The following ZNF83 variants were observed in gnomAD, a reference collection of about 807,000 sequenced individuals.
The protein encoded by ZNF83 is zinc finger protein 83, also known as zinc finger protein 816B.
For synonymous variants in ZNF83, 209 were observed against 213.0 expected (o/e 0.98, Z 0.17); for missense variants, 552 against 629.9 (o/e 0.88, Z 1.32).
At chr19:52,614,936 C>A in intron 2 of ZNF83, 139 bp from the exon 3 acceptor site, 2 of 875,664 alleles carry the variant, frequency 2.3e-6, no homozygotes, top group South Asian at 6.1e-5. Context: ...TGATTTTTAA[C>A]TTTTTGGAAA....
upstream of ZNF83, among the ~76,000 whole-genome samples, chr19:52,641,802 C>T (rs1395221741): frequency 1.3e-5 from 2 of 152,122 alleles, no homozygotes; most frequent in Admixed American, 1.3e-4. Context: ...CAGCCTCAGG[C>T]GGTCCCGACC....
upstream of ZNF83, among the ~76,000 whole-genome samples, chr19:52,640,615 T>G (rs557931963): frequency 6.6e-6 from 1 of 152,186 alleles, no homozygotes; most frequent in South Asian, 2.1e-4. Flanking sequence ...CCTCCTGGGT[T>G]CAAGCAGTTC....
chr19:52,650,812 G>C (rs896896220), intron 3 of ZNF83: 1 of 152,210 alleles, frequency 6.6e-6, no homozygotes, highest in Admixed American at 6.5e-5. Context: ...AGGCTTGCGT[G>C]TAAGCCCAGA....
At chr19:52,634,232 G>A (rs1167976418) in intron 2 of ZNF83, among the ~76,000 whole-genome samples, 2 of 143,978 alleles carry the variant, frequency 1.4e-5, no homozygotes, top group South Asian at 2.2e-4. Context: ...AGATCAGGCC[G>A]TTGCACTCCA....
intron 2 of ZNF83, among the ~76,000 whole-genome samples, chr19:52,624,706 T>C (rs902769083): frequency 1.3e-5 from 2 of 152,146 alleles, no homozygotes; most frequent in Non-Finnish European, 2.9e-5. Flanking sequence ...AGCCTTTTTG[T>C]CCAAACAACT....
Position 52,628,588 on chromosome 19 carries a change from C to G in ZNF83, c.-234+6478G>C, listed in dbSNP as rs147566790. On this transcript the variant is annotated intron_variant, in intron 2 of 2. Coordinates refer to ENST00000301096, the Ensembl canonical transcript of ZNF83. ...AGGGACGCCTCTCTGATTATTCACC[C>G]AGGTTTCAGAGGTGTCAGACCACAC... 1.2e-4 allele frequency among the ~76,000 whole-genome samples: 19 copies of G among 152,232 alleles called. No homozygotes were observed. The South Asian group carries it at 3.1e-3, about 25-fold the overall frequency.
chr19:52,634,651 G>T (rs1287695306), intron 2 of ZNF83, among the ~76,000 whole-genome samples: 1 of 152,138 alleles, frequency 6.6e-6, no homozygotes, highest in Non-Finnish European at 1.5e-5. Flanking sequence ...CCCCTTATTT[G>T]TCTCCTTTTC....
chr19:52,621,010 AC>A (rs1346335515), intron 2 of ZNF83, among the ~76,000 whole-genome samples: 1 of 151,826 alleles, frequency 6.6e-6, no homozygotes, highest in Non-Finnish European at 1.5e-5. Flanking sequence ...CCCTTTGCTG[AC>A]TCCTTTTTTG....
intron 1 of ZNF83, among the ~76,000 whole-genome samples, chr19:52,682,521 A>G (rs1350986794): frequency 6.6e-6 from 1 of 151,986 alleles, no homozygotes; most frequent in Non-Finnish European, 1.5e-5. Flanking sequence ...AAACACAAAA[A>G]TTACCCAGGC....
intron 1 of ZNF83, among the ~76,000 whole-genome samples, chr19:52,686,929 C>G (rs1260704358): frequency 6.6e-6 from 1 of 151,910 alleles, no homozygotes; most frequent in African/African-American, 2.4e-5. Flanking sequence ...CATCTGTAAT[C>G]CCAGCACTTT....
chr19:52,668,838 G>C (rs1453826898), intron 1 of ZNF83, among the ~76,000 whole-genome samples: 1 of 152,162 alleles, frequency 6.6e-6, no homozygotes, highest in Non-Finnish European at 1.5e-5. Flanking sequence ...CTGGATGCTA[G>C]CTCTTTTCCA....
intron 3 of ZNF83, among the ~76,000 whole-genome samples, chr19:52,645,408 T>C (rs1224738126): frequency 6.6e-6 from 1 of 152,078 alleles, no homozygotes; most frequent in Non-Finnish European, 1.5e-5. Context: ...GGAAAATAAC[T>C]GAAAAACATA....
chr19:52,658,665 G>A (rs569642722), intron 2 of ZNF83, among the ~76,000 whole-genome samples: 2 of 152,294 alleles, frequency 1.3e-5, no homozygotes, highest in South Asian at 2.1e-4. Context: ...TGTAATAATT[G>A]AACAGGCTGA....
rs1555792752 is a variant in ZNF83, at chr19:52,687,631, ATG to A, written c.-283+2810_-283+2811del. ...TATATAATGTGTATATATATATATA[ATG>A]TATATATATATATATATATATATAA... On this transcript the variant is annotated intron_variant, in intron 1 of 5. Coordinates refer to the ZNF83 transcript ENST00000594682. 5.6e-4 allele frequency among the ~76,000 whole-genome samples: 6 copies of A among 10,738 alleles called. 2 individuals are homozygous for A. In the South Asian group the frequency reaches 0.011, roughly 20 times the overall value. 7.0% of individuals were successfully genotyped at this position (10,738 alleles called of 152,430 possible). A position where few individuals can be genotyped will look rare whatever the true frequency, so the allele number is the denominator to read the frequency against.
intron 2 of ZNF83, among the ~76,000 whole-genome samples, chr19:52,623,577 G>A (rs2085981): frequency 0.23 from 34,467 of 151,646 alleles, 3,949 homozygotes; most frequent in South Asian, 0.28. Flanking sequence ...TCTCATTGCC[G>A]CCCTTCTTCC....
intron 2 of ZNF83, among the ~76,000 whole-genome samples, 169 bp from the exon 3 acceptor site, chr19:52,614,966 T>C (rs184994380): frequency 8.5e-4 from 129 of 152,300 alleles, no homozygotes; most frequent in African/African-American, 2.9e-3. Flanking sequence ...ACAGATATTT[T>C]CTAATAGAGA....
At chr19:52,678,529 T>C (rs897503524) in intron 1 of ZNF83, among the ~76,000 whole-genome samples, 6 of 151,986 alleles carry the variant, frequency 3.9e-5, no homozygotes, top group Admixed American at 3.9e-4. Context: ...GTGTCTCTTT[T>C]CCTGGTTCCT....
upstream of ZNF83, among the ~76,000 whole-genome samples, chr19:52,641,050 C>T (rs2061297347): frequency 6.6e-6 from 1 of 151,326 alleles, no homozygotes; most frequent in African/African-American, 2.4e-5. Context: ...CCGGCCCCCA[C>T]CCTTCAGAAC....
chr19:52,641,206 C>T (rs1194743766), upstream of ZNF83, among the ~76,000 whole-genome samples: 1 of 152,146 alleles, frequency 6.6e-6, no homozygotes, highest in Non-Finnish European at 1.5e-5. Context: ...CTCTAGCTCT[C>T]CTAGGTTCCT....
Sources: gnomAD v4.1 joint callset for allele counts (sites outside exome capture counted in the v4.1 genomes callset) on GRCh38, gnomAD v4.1.1 for gene constraint, MANE v1.5 for transcripts, NCBI Gene and HGNC (gene_info 2026-07-23, HGNC 2026-07-21) for gene names.